Variants in TGIF1 observed in about 807,000 individuals in gnomAD.
TGIF1 encodes the protein TGFB induced factor homeobox 1, also known as homeobox protein TGIF1.
TGIF1 carries 4 observed loss-of-function variants against 19.3 expected under a neutral mutation model. That is an observed-to-expected ratio of 0.21 (90% CI 0.10 to 0.47). The LOEUF (loss-of-function observed/expected upper bound fraction) is 0.47, where lower values mean the gene tolerates loss of function less well. TGIF1 is among the 20% of genes least tolerant of loss of function. TGIF1 has a pLI of 0.98. For synonymous variants in TGIF1, 122 were observed against 129.3 expected (o/e 0.94, Z 0.38); for missense variants, 275 against 341.4 (o/e 0.81, Z 1.53).
chr18:3,431,213 G>A (rs146944776), intron 2 of TGIF1, among the ~76,000 whole-genome samples: 4,588 of 152,254 alleles, frequency 0.03, 151 homozygotes, highest in African/African-American at 0.08. Flanking sequence ...TCGGGAGGCC[G>A]AGGCAGGCGG....
Position 3,451,827 on chromosome 18 carries a change from A to G in TGIF1, c.16+1322A>G, listed in dbSNP as rs1301667089. ...GCGGGACGGAGGGAGGACTCGGGAC[A>G]GGGAATTGGCCCTGGGAGAAAACGC... On this transcript the variant is annotated intron_variant, in intron 1 of 2. Coordinates refer to ENST00000343820, the MANE Select transcript of TGIF1 (RefSeq NM_003244.4). This position sits in a 1 kb window ranked among gnomAD's most constrained non-coding sequence, Gnocchi z 5.4. The G allele has an allele frequency of 2.2e-6, 3 of 1,349,962 alleles. No homozygotes were observed. Among genetic ancestry groups the G allele is most frequent in the Non-Finnish European group, 1.9e-6 (2 of 1,050,444 alleles). 83.6% of individuals were successfully genotyped at this position (1,349,962 alleles called of 1,614,324 possible). A position where few individuals can be genotyped will look rare whatever the true frequency, so the allele number is the denominator to read the frequency against.
At position 3,456,123 on chromosome 18, in the gene TGIF1, G is replaced by A; in HGVS notation, c.17-231G>A. Reference sequence around the variant, plus strand: ...GAATGTGAGAAGTTAATGAATCCTAGAGGAAAGCGGCTGAGAAAAGGCATC... The same window carrying A: ...GAATGTGAGAAGTTAATGAATCCTAAAGGAAAGCGGCTGAGAAAAGGCATC... On this transcript the variant is annotated intron_variant, in intron 1 of 2. Coordinates refer to ENST00000343820, the MANE Select transcript of TGIF1 (RefSeq NM_003244.4). This position sits in a 1 kb window ranked among gnomAD's most constrained non-coding sequence, Gnocchi z 4.2. 1 of 598,882 alleles carries A rather than the reference G, an allele frequency of 1.7e-6. No homozygotes were observed. The highest frequency in any genetic ancestry group is 3.0e-6 in the Non-Finnish European group (1 of 334,206). 37.1% of individuals were successfully genotyped at this position (598,882 alleles called of 1,614,324 possible). A position where few individuals can be genotyped will look rare whatever the true frequency, so the allele number is the denominator to read the frequency against.
At chr18:3,454,280 GCAGCCTT>G (rs2083092236) in intron 1 of TGIF1, among the ~76,000 whole-genome samples, 1 of 152,118 alleles carries the variant, frequency 6.6e-6, no homozygotes, top group African/African-American at 2.4e-5. Context: ...AGATCAAAGG[GCAGCCTT>G]CAGGGGCTTT....
chr18:3,452,190 C>T lies in TGIF1; in HGVS notation c.16+1685C>T, dbSNP rs200428035. On this transcript the variant is annotated intron_variant, in intron 1 of 2. Coordinates refer to ENST00000343820, the MANE Select transcript of TGIF1 (RefSeq NM_003244.4). ...AGCGCCGTGGTCCTCCCTGGCGACC[C>T]CCTCTGCGCTCCTGGGGTCCTCCTG... The T allele has an allele frequency of 5.6e-5, 91 of 1,611,332 alleles. No homozygotes were observed. In the East Asian group the frequency reaches 2.0e-3, roughly 35 times the overall value.
intron 2 of TGIF1, among the ~76,000 whole-genome samples, chr18:3,428,932 A>G (rs1209193876): frequency 2.6e-5 from 4 of 152,070 alleles, no homozygotes; most frequent in Non-Finnish European, 2.9e-5. Flanking sequence ...GTGCCCCTGT[A>G]GTCCCAGCTA....
intron 2 of TGIF1, among the ~76,000 whole-genome samples, chr18:3,439,325 T>C (rs1470306000): frequency 2.6e-5 from 4 of 151,850 alleles, no homozygotes; most frequent in Non-Finnish European, 5.9e-5. Context: ...AGAGTCCTTG[T>C]TTCTGAAGTC....
chr18:3,458,226 C>CT lies in TGIF1; in HGVS notation c.*293dup, dbSNP rs1406761576. 1.3e-5 allele frequency: 5 copies of CT among 397,658 alleles called. No individual in the cohort carries two copies. Among genetic ancestry groups the CT allele is most frequent in the East Asian group, 1.1e-4 (2 of 18,958 alleles). 24.6% of individuals were successfully genotyped at this position (397,658 alleles called of 1,614,324 possible). A position where few individuals can be genotyped will look rare whatever the true frequency, so the allele number is the denominator to read the frequency against. Reference sequence around the variant, plus strand: ...GTGATTTTTTTTTTCCTCCCCTTCCCTTTTTTTGTTATTTTTTCAGACTGT... The same window carrying CT: ...GTGATTTTTTTTTTCCTCCCCTTCCCTTTTTTTTGTTATTTTTTCAGACTGT... On this transcript the variant is annotated 3_prime_UTR_variant, in exon 3 of 3. Transcript: ENST00000343820.
At chr18:3,425,823 C>T (rs568739310) in intron 2 of TGIF1, among the ~76,000 whole-genome samples, 38 of 152,246 alleles carry the variant, frequency 2.5e-4, no homozygotes, top group African/African-American at 8.2e-4. Context: ...GACTGCAATG[C>T]CATGGGCTCA....
rs748101533 is a variant in TGIF1 at position 3,457,026 on chromosome 18, G to A, written c.244-339G>A. On this transcript the variant is annotated intron_variant, in intron 2 of 2. Transcript: ENST00000343820. This position sits in a 1 kb window ranked among gnomAD's most constrained non-coding sequence, Gnocchi z 4.9. ...ATTAACTTAAATGTTGGGGCAGTAG[G>A]TGATAGGTTAAAATGGGGAGAGTTA... The A allele has an allele frequency of 7.2e-5, 40 of 555,524 alleles. No individual in the cohort carries two copies. The highest frequency in any genetic ancestry group is 1.2e-4 in the Non-Finnish European group (37 of 314,824). 34.4% of individuals were successfully genotyped at this position (555,524 alleles called of 1,614,324 possible). A position where few individuals can be genotyped will look rare whatever the true frequency, so the allele number is the denominator to read the frequency against.
At chr18:3,416,464 C>T (rs773083622) in intron 1 of TGIF1, among the ~76,000 whole-genome samples, 23 of 151,892 alleles carry the variant, frequency 1.5e-4, no homozygotes, top group South Asian at 2.1e-4. Context: ...TGCAGTGAGC[C>T]GAGATCACGC....
intron 1 of TGIF1, among the ~76,000 whole-genome samples, chr18:3,416,868 C>T (rs1210091682): frequency 3.3e-5 from 5 of 150,778 alleles, no homozygotes; most frequent in African/African-American, 1.2e-4. Flanking sequence ...GAAGCGGACG[C>T]TACAGTGAGC....
intron 1 of TGIF1, chr18:3,412,756 C>T (rs1227402537): frequency 2.6e-5 from 4 of 152,250 alleles, no homozygotes; most frequent in Non-Finnish European, 4.4e-5. Flanking sequence ...TGTCAAGTTT[C>T]CTAGCCTGAG....
chr18:3,449,294 C>G (rs965450511), upstream of TGIF1: 36 of 633,234 alleles, frequency 5.7e-5, no homozygotes, highest in Middle Eastern at 7.7e-4. Flanking sequence ...GCAGGCACGG[C>G]GTGGTCACCC....
At chr18:3,423,046 A>G (rs1001279319) in intron 2 of TGIF1, among the ~76,000 whole-genome samples, 15 of 152,066 alleles carry the variant, frequency 9.9e-5, no homozygotes, top group African/African-American at 3.6e-4. Context: ...AGATAGATCA[A>G]TACTTACCAT....
intron 2 of TGIF1, among the ~76,000 whole-genome samples, chr18:3,433,661 A>C (rs2082579644): frequency 6.6e-6 from 1 of 152,156 alleles, no homozygotes; most frequent in Admixed American, 6.5e-5. Flanking sequence ...CTTAGTGTTT[A>C]ATGGGTAAAG....
Position 3,451,323 on chromosome 18 carries a change from G to T in TGIF1, c.16+818G>T. The T allele has an allele frequency of 2.0e-6, 2 of 982,956 alleles. No homozygotes were observed. Among genetic ancestry groups the T allele is most frequent in the Non-Finnish European group, 2.4e-6 (2 of 827,696 alleles). 60.9% of individuals were successfully genotyped at this position (982,956 alleles called of 1,614,324 possible). ...ACAACTAAAACTTGCCGTCAGTTTG[G>T]TTTAAAAACAAAATACACCGGAGGG... On this transcript the variant is annotated intron_variant, in intron 1 of 2. Coordinates refer to ENST00000343820, the MANE Select transcript of TGIF1 (RefSeq NM_003244.4). The surrounding 1 kb of genome is among the most constrained non-coding windows in gnomAD (Gnocchi z 5.4).
At chr18:3,429,790 T>C (rs2082522795) in intron 2 of TGIF1, among the ~76,000 whole-genome samples, 2 of 145,812 alleles carry the variant, frequency 1.4e-5, no homozygotes, top group South Asian at 4.1e-4. Context: ...AGAATCCACA[T>C]TGCAACTAAC....
At chr18:3,431,345 G>A (rs2082544268) in intron 2 of TGIF1, among the ~76,000 whole-genome samples, 1 of 152,102 alleles carries the variant, frequency 6.6e-6, no homozygotes, top group Non-Finnish European at 1.5e-5. Flanking sequence ...TGTTCATGAG[G>A]CTAAGGCTTG....
At chr18:3,423,830 G>A (rs969487518) in intron 2 of TGIF1, among the ~76,000 whole-genome samples, 2 of 152,094 alleles carry the variant, frequency 1.3e-5, no homozygotes, top group African/African-American at 4.8e-5. Flanking sequence ...ACTCCAGCCT[G>A]GGTGACAGAG....
Sources: gnomAD v4.1 joint callset for allele counts (sites outside exome capture counted in the v4.1 genomes callset) on GRCh38, gnomAD v4.1.1 for gene constraint, Gnocchi (gnomAD v3.1) non-coding constraint, MANE v1.5 for transcripts, NCBI Gene and HGNC (gene_info 2026-07-23, HGNC 2026-07-21) for gene names.